The following C11orf58 variants were observed in gnomAD, a reference collection of about 807,000 sequenced individuals.
C11orf58 encodes small acidic protein.
A neutral mutation model predicts 22.7 loss-of-function variants in C11orf58; 5 were observed. That is an observed-to-expected ratio of 0.22 (90% CI 0.12 to 0.46). The LOEUF (loss-of-function observed/expected upper bound fraction) is 0.46. C11orf58 is among the 20% of genes least tolerant of loss of function. The probability of loss-of-function intolerance (pLI) is 0.99; values close to 1 mark genes in which losing one functional copy is unlikely to be tolerated. For synonymous variants in C11orf58, 71 were observed against 70.7 expected, an observed-to-expected ratio of 1.00 and a Z score of -0.02; for missense variants, 151 against 223.3, an observed-to-expected ratio of 0.68 and a Z score of 2.06.
chr11:16,747,772 G>A (rs901654650), intron 2 of C11orf58: 1 of 170,724 alleles, frequency 5.9e-6, no homozygotes, highest in African/African-American at 2.4e-5. Flanking sequence ...CTTTAGGAAA[G>A]AAAATGTTTA....
intron 1 of C11orf58, among the ~76,000 whole-genome samples, chr11:16,743,523 C>T (rs996943104): frequency 5.3e-5 from 8 of 152,058 alleles, no homozygotes; most frequent in Admixed American, 1.3e-4. Context: ...GTCTAGAATA[C>T]GACTGCCTTT....
chr11:16,745,505 A>C (rs1848480794), intron 2 of C11orf58, among the ~76,000 whole-genome samples: 2 of 151,932 alleles, frequency 1.3e-5, no homozygotes, highest in African/African-American at 2.4e-5. Context: ...CAAGAAAATT[A>C]TAAGGAAGAG....
intron 4 of C11orf58, 67 bp from the exon 5 acceptor site, chr11:16,754,804 C>CG: frequency 6.3e-7 from 1 of 1,582,374 alleles, no homozygotes; most frequent in Non-Finnish European, 8.6e-7. Context: ...ACAGAACTTA[C>CG]GGTCTTTCTC....
rs1280340255 is a variant in C11orf58 at position 16,742,672 on chromosome 11, G to GT, written c.64-1922dup. Among the ~76,000 whole-genome samples, 126 of 152,082 alleles carry GT rather than the reference G, an allele frequency of 8.3e-4. 1 individual carries two copies. Among genetic ancestry groups the GT allele is most frequent in the African/African-American group, 1.9e-3 (80 of 41,476 alleles). ...TCTCATATGCCCAGGGGAAATAGTG[G>GT]TTTTTTTAAATATTCTTTTAGTCTT... On this transcript the variant is annotated intron_variant, in intron 1 of 4. Coordinates refer to ENST00000228136, the MANE Select transcript of C11orf58 (RefSeq NM_014267.6).
chr11:16,741,600 A>G (rs1483545895), intron 1 of C11orf58, among the ~76,000 whole-genome samples: 1 of 152,254 alleles, frequency 6.6e-6, no homozygotes, highest in Non-Finnish European at 1.5e-5. Context: ...GCTGCACAGC[A>G]GGACGTGAGC....
At chr11:16,749,848 CAGTG>C (rs775512231) in intron 3 of C11orf58, 2 of 152,188 alleles carry the variant, frequency 1.3e-5, no homozygotes, top group East Asian at 3.8e-4. Context: ...AAAACCCTCT[CAGTG>C]AGTGGCAAGT....
chr11:16,749,320 C>A (rs1048131528), intron 3 of C11orf58: 2 of 152,162 alleles, frequency 1.3e-5, no homozygotes, highest in Non-Finnish European at 2.9e-5. Flanking sequence ...TTTAGAAATT[C>A]ATAGATCTTT....
chr11:16,754,755 T>C, intron 4 of C11orf58, 116 bp from the exon 5 acceptor site: 1 of 1,481,554 alleles, frequency 6.7e-7, no homozygotes, highest in Admixed American at 2.2e-5. Flanking sequence ...CTTAAAGCTG[T>C]TGTTCTAATG....
At chr11:16,753,842 G>T (rs1198060568) in intron 4 of C11orf58, 4 of 454,138 alleles carry the variant, frequency 8.8e-6, no homozygotes, top group Non-Finnish European at 1.6e-5. Flanking sequence ...TGGGATATAG[G>T]CCTGCACCAC....
At chr11:16,754,585 T>TTTA (rs1848560170) in intron 4 of C11orf58, among the ~76,000 whole-genome samples, 1 of 107,366 alleles carries the variant, frequency 9.3e-6, no homozygotes, top group Non-Finnish European at 1.8e-5. Context: ...TTTTTTTTTT[T>TTTA]AAGAGACAGG....
At chr11:16,738,936 C>T in intron 1 of C11orf58, 95 bp downstream of exon 1, 2 of 1,394,454 alleles carry the variant, frequency 1.4e-6, no homozygotes, top group Non-Finnish European at 1.0e-6. Context: ...CCTGAGGTGG[C>T]CTGCAGCGGG....
chr11:16,752,955 G>C, intron 4 of C11orf58, 61 bp downstream of exon 4: 2 of 1,276,572 alleles, frequency 1.6e-6, no homozygotes, highest in Non-Finnish European at 2.2e-6. Flanking sequence ...ACCATTTATT[G>C]CTGTTAGATT....
chr11:16,739,661 T>C (rs191065807), intron 1 of C11orf58: 1 of 152,310 alleles, frequency 6.6e-6, no homozygotes, highest in African/African-American at 2.4e-5. Flanking sequence ...AAACGGTAGG[T>C]AACCAGTAAA....
At chr11:16,738,956 G>A (rs1478575877) in intron 1 of C11orf58, 115 bp downstream of exon 1, 1 of 1,151,424 alleles carries the variant, frequency 8.7e-7, no homozygotes, top group Non-Finnish European at 1.3e-6. Flanking sequence ...GAGAGCCCAG[G>A]GAAGAAACCA....
At chr11:16,740,685 G>A (rs1385584564) in intron 1 of C11orf58, among the ~76,000 whole-genome samples, 1 of 151,028 alleles carries the variant, frequency 6.6e-6, no homozygotes, top group Non-Finnish European at 1.5e-5. Context: ...GCCTCCCAAA[G>A]TGCTGGAATT....
intron 1 of C11orf58, among the ~76,000 whole-genome samples, chr11:16,742,548 T>G (rs148224755): frequency 2.6e-5 from 4 of 152,208 alleles, no homozygotes; most frequent in Admixed American, 2.0e-4. Context: ...AAGTAGAGAT[T>G]TGGAACTTAG....
Position 16,738,702 on chromosome 11 carries a change from G to A in C11orf58, c.-77G>A, listed in dbSNP as rs745374332. 10 of 1,517,046 alleles carry A rather than the reference G, an allele frequency of 6.6e-6. No homozygotes were observed. Among genetic ancestry groups the A allele is most frequent in the African/African-American group, 1.4e-5 (1 of 72,918 alleles). 94.0% of individuals were successfully genotyped at this position (1,517,046 alleles called of 1,614,324 possible). Reference sequence around the variant, plus strand: ...TAGTGGCGCTGCTTGGGCCCTTGGCGGATTGTAAGCTGCTGGTTTTGCGGC... The same window carrying A: ...TAGTGGCGCTGCTTGGGCCCTTGGCAGATTGTAAGCTGCTGGTTTTGCGGC... On this transcript the variant is annotated 5_prime_UTR_variant, in exon 1 of 5. Coordinates refer to ENST00000228136, the MANE Select transcript of C11orf58 (RefSeq NM_014267.6).
rs576700961 is a variant in C11orf58, at chr11:16,756,541, T to C, written c.*1437T>C. Reference sequence around the variant, plus strand: ...ACCTTGGCCTCCCAAAGTGCTGGGATTACAGGCGTGAGCCACCACGCCCAG... The same window carrying C: ...ACCTTGGCCTCCCAAAGTGCTGGGACTACAGGCGTGAGCCACCACGCCCAG... On this transcript the variant is annotated 3_prime_UTR_variant, in exon 5 of 5. Coordinates refer to ENST00000228136, the MANE Select transcript of C11orf58 (RefSeq NM_014267.6). Among the ~76,000 whole-genome samples the C allele has an allele frequency of 1.3e-5, 2 of 150,942 alleles. No individual in the cohort carries two copies. The highest frequency in any genetic ancestry group is 4.8e-5 in the African/African-American group (2 of 41,294).
intron 4 of C11orf58, 33 bp downstream of exon 4, chr11:16,752,927 ATTAG>A (rs1564885051): frequency 6.6e-7 from 1 of 1,517,306 alleles, no homozygotes; most frequent in Non-Finnish European, 9.1e-7. Context: ...TGGGAAGATA[ATTAG>A]TTTTCAATTT....
Sources: allele counts gnomAD v4.1 joint callset (sites outside exome capture counted in the v4.1 genomes callset), GRCh38; gene constraint gnomAD v4.1.1; transcripts MANE v1.5; gene names NCBI Gene and HGNC (gene_info 2026-07-23, HGNC 2026-07-21).